The following CSMD1 variants were observed in gnomAD, a reference collection of about 807,000 sequenced individuals.
CSMD1 encodes the protein CUB and Sushi multiple domains 1.
CSMD1 carries 213 observed loss-of-function variants against 417.5 expected under a neutral mutation model. The ratio of observed to expected loss-of-function variants is 0.51; its 90% CI spans 0.46 to 0.57. The LOEUF (loss-of-function observed/expected upper bound fraction) is 0.57, where lower values mean the gene tolerates loss of function less well. Among genes scored for constraint, CSMD1 ranks in the 20% least tolerant of loss-of-function variants. The pLI is 0.00. For synonymous variants in CSMD1, 2,862 were observed against 1,736.8 expected, an observed-to-expected ratio of 1.65 and a Z score of -16.11; for missense variants, 6,923 against 4,529.7, an observed-to-expected ratio of 1.53 and a Z score of -15.17.
At chr8:3,461,783 G>A (rs745439567) in intron 12 of CSMD1, among the ~76,000 whole-genome samples, 2 of 152,182 alleles carry the variant, frequency 1.3e-5, no homozygotes, top group African/African-American at 2.4e-5. Context: ...TTTATCCATG[G>A]GGACTCTCTT....
chr8:4,417,820 T>G (rs1351178801), intron 3 of CSMD1, among the ~76,000 whole-genome samples: 1 of 152,068 alleles, frequency 6.6e-6, no homozygotes, highest in Non-Finnish European at 1.5e-5. Context: ...ATTGGTGTAT[T>G]TGCTTATTTT....
intron 2 of CSMD1, among the ~76,000 whole-genome samples, chr8:4,552,507 C>A (rs1371088987): frequency 6.6e-6 from 1 of 152,032 alleles, no homozygotes; most frequent in East Asian, 1.9e-4. Flanking sequence ...CAGATATATG[C>A]AGAACTCTGG....
rs543227997 is a variant in CSMD1, at chr8:3,455,171, T to G, written c.1561+13541A>C. On this transcript the variant is annotated intron_variant, in intron 12 of 69. Coordinates refer to ENST00000635120, the MANE Select transcript of CSMD1 (RefSeq NM_033225.6). ...ATGGTTTTCAGTTCCATTAGGTCCT[T>G]TAAGGACTTCTCTGCATTGGTTATT... Among the ~76,000 whole-genome samples, 14 of 152,340 alleles carry G rather than the reference T, an allele frequency of 9.2e-5. No individual in the cohort carries two copies. The East Asian group carries it at 2.7e-3, about 29-fold the overall frequency.
intron 5 of CSMD1, among the ~76,000 whole-genome samples, chr8:3,761,209 T>A (rs898098403): frequency 2.0e-5 from 3 of 152,146 alleles, no homozygotes; most frequent in African/African-American, 4.8e-5. Flanking sequence ...ACTCTCATAT[T>A]GCAAGAACAT....
chr8:3,474,274 C>G (rs1817282683), intron 11 of CSMD1, among the ~76,000 whole-genome samples: 1 of 151,868 alleles, frequency 6.6e-6, no homozygotes, highest in South Asian at 2.1e-4. Context: ...AAAAATGTTT[C>G]AAGTATATGA....
intron 2 of CSMD1, among the ~76,000 whole-genome samples, chr8:4,609,904 T>A (rs1391785872): frequency 1.3e-5 from 2 of 151,946 alleles, no homozygotes; most frequent in Non-Finnish European, 2.9e-5. Flanking sequence ...AAAAGAAGGA[T>A]CCCCTTTACA....
intron 3 of CSMD1, among the ~76,000 whole-genome samples, chr8:4,200,966 G>A (rs1799611403): frequency 6.6e-6 from 1 of 152,238 alleles, no homozygotes. Flanking sequence ...TCAGAAAGTT[G>A]TCTTATTAGT....
At chr8:4,473,769 G>C (rs1280990242) in intron 2 of CSMD1, among the ~76,000 whole-genome samples, 1 of 152,074 alleles carries the variant, frequency 6.6e-6, no homozygotes, top group Admixed American at 6.6e-5. Flanking sequence ...AAATGGCTTT[G>C]GGTTTTCTTT....
chr8:4,595,139 C>G (rs913449090), intron 2 of CSMD1, among the ~76,000 whole-genome samples: 1 of 151,956 alleles, frequency 6.6e-6, no homozygotes, highest in Admixed American at 6.6e-5. Context: ...TCTGAGCATC[C>G]TCATTTAGTT....
At chr8:4,166,824 T>C (rs528621279) in intron 3 of CSMD1, among the ~76,000 whole-genome samples, 37 of 152,348 alleles carry the variant, frequency 2.4e-4, no homozygotes, top group African/African-American at 8.7e-4. Flanking sequence ...TATTTTACAC[T>C]ACTTATCTTT....
chr8:4,331,976 G>C (rs1164465981), intron 3 of CSMD1, among the ~76,000 whole-genome samples: 4 of 152,054 alleles, frequency 2.6e-5, no homozygotes, highest in African/African-American at 9.7e-5. Context: ...TTTATGCAAA[G>C]CACATCTGAA....
chr8:4,899,283 A>G (rs1585288573), intron 1 of CSMD1, among the ~76,000 whole-genome samples: 1 of 152,210 alleles, frequency 6.6e-6, no homozygotes. Flanking sequence ...TTATAAGCAA[A>G]ACATAACATT....
intron 21 of CSMD1, among the ~76,000 whole-genome samples, chr8:3,354,623 C>A (rs542808769): frequency 1.3e-5 from 2 of 151,848 alleles, no homozygotes; most frequent in African/African-American, 4.8e-5. Context: ...CTATTTTTAG[C>A]CCATTCATTA....
intron 10 of CSMD1, among the ~76,000 whole-genome samples, chr8:3,570,115 T>G (rs537192422): frequency 6.6e-6 from 1 of 152,354 alleles, no homozygotes; most frequent in East Asian, 1.9e-4. Context: ...ATTTTATGTT[T>G]TGGACAAGTT....
At chr8:3,805,364 A>G (rs2129074331) in intron 5 of CSMD1, among the ~76,000 whole-genome samples, 1 of 152,248 alleles carries the variant, frequency 6.6e-6, no homozygotes, top group Non-Finnish European at 1.5e-5. Context: ...AATTACAAAG[A>G]GAGGAGCCAC....
intron 23 of CSMD1, among the ~76,000 whole-genome samples, chr8:3,309,944 A>G (rs939085420): frequency 6.6e-6 from 1 of 151,910 alleles, no homozygotes; most frequent in African/African-American, 2.4e-5. Context: ...TTCCTTCCAC[A>G]AAGAGTCAGT....
intron 12 of CSMD1, among the ~76,000 whole-genome samples, chr8:3,424,369 C>T (rs575312041): frequency 2.0e-5 from 3 of 152,266 alleles, no homozygotes; most frequent in Non-Finnish European, 2.9e-5. Context: ...TTGAATAGTT[C>T]GCACATTGCC....
chr8:4,848,935 TG>T (rs1397288359), intron 1 of CSMD1, among the ~76,000 whole-genome samples: 1 of 152,268 alleles, frequency 6.6e-6, no homozygotes, highest in Non-Finnish European at 1.5e-5. Context: ...AGAAGGTACT[TG>T]TTCTACTTAT....
rs557436321 is a variant in CSMD1, at chr8:3,786,598, G to C, written c.819-32556C>G. On this transcript the variant is annotated intron_variant, in intron 5 of 69. Transcript: ENST00000635120. ...AGGATGGACAGGAAAATCGCTGTTGGGCTCTCTCAGCAAAGCAGTTGCTTA... is the reference window on the plus strand; with the variant it reads ...AGGATGGACAGGAAAATCGCTGTTGCGCTCTCTCAGCAAAGCAGTTGCTTA... Among the ~76,000 whole-genome samples, 4 of 152,234 alleles carry C rather than the reference G, an allele frequency of 2.6e-5. No individual in the cohort carries two copies. In the East Asian group the frequency reaches 5.8e-4, roughly 22 times the overall value.
Sources: allele counts gnomAD v4.1 joint callset (sites outside exome capture counted in the v4.1 genomes callset), GRCh38; gene constraint gnomAD v4.1.1; transcripts MANE v1.5; gene names NCBI Gene and HGNC (gene_info 2026-07-23, HGNC 2026-07-21).